Variants in MDM4 observed in about 807,000 individuals in gnomAD.
MDM4 encodes protein Mdm4.
In MDM4, 2 loss-of-function variants were observed where a neutral mutation model predicts 60.2. That is an observed-to-expected ratio of 0.03 (90% CI 0.01 to 0.10). MDM4 has a LOEUF of 0.10. Among genes scored for constraint, MDM4 ranks in the 10% least tolerant of loss-of-function variants. The pLI, the probability that MDM4 is intolerant of heterozygous loss-of-function variation, is 1.00. For missense variants in MDM4, 447 were observed against 577.5 expected (o/e 0.77, Z 2.32); for synonymous variants, 202 against 198.1 (o/e 1.02, Z -0.17).
At chr1:204,530,633 G>A in intron 3 of MDM4, 51 bp from the exon 4 acceptor site, 1 of 1,600,416 alleles carries the variant, frequency 6.2e-7, no homozygotes, top group Non-Finnish European at 8.5e-7. Context: ...ATGAATTTGT[G>A]TTTTTGGTAG....
chr1:204,553,503 G>C lies in MDM4; in HGVS notation c.*3821G>C. ...ACCTAGTTATAGGTAAGCCTTGTTC[G>C]AGTTGATATCTTGATTGTGAGGAAG... On this transcript the variant is annotated 3_prime_UTR_variant, in exon 11 of 11. Coordinates refer to ENST00000367182, the MANE Select transcript of MDM4 (RefSeq NM_002393.5). 2 of 226,254 alleles carry C rather than the reference G, an allele frequency of 8.8e-6. No individual in the cohort carries two copies. Among genetic ancestry groups the C allele is most frequent in the African/African-American group, 2.2e-5 (1 of 45,066 alleles). The allele number at this position is 226,254 out of a possible 1,614,324, so 14.0% of individuals were successfully genotyped here.
Position 204,536,119 on chromosome 1 carries a change from G to A in MDM4, c.344-1311G>A, listed in dbSNP as rs533439911. ...TACTAAAAATACAAAAATTAGTCAGGCGTGCGCCTATAATCCTAGCTACTT... is the reference window on the plus strand; with the variant it reads ...TACTAAAAATACAAAAATTAGTCAGACGTGCGCCTATAATCCTAGCTACTT... On this transcript the variant is annotated intron_variant, in intron 5 of 10. Transcript: ENST00000367182. 4.6e-5 allele frequency among the ~76,000 whole-genome samples: 7 copies of A among 152,242 alleles called. No homozygotes were observed. The East Asian group carries it at 1.4e-3, about 30-fold the overall frequency.
intron 2 of MDM4, 69 bp from the exon 3 acceptor site, chr1:204,526,291 T>C: frequency 2.2e-6 from 3 of 1,358,290 alleles, no homozygotes. Context: ...TTAAAGAGGT[T>C]CTCTTGTTCC....
rs375555162 is a variant in MDM4, at chr1:204,532,801, G to A, written c.343+555G>A. 4.2e-5 allele frequency: 68 copies of A among 1,611,128 alleles called. No homozygotes were observed. In the African/African-American group the frequency reaches 5.6e-4, roughly 13 times the overall value. On this transcript the variant is annotated intron_variant, in intron 5 of 10. Coordinates refer to ENST00000367182, the MANE Select transcript of MDM4 (RefSeq NM_002393.5). ...TCATTTGTTCTGTAGAATTTCCCACGCTCTAGAGTTGGCAGATTGTATCCT... is the reference window on the plus strand; with the variant it reads ...TCATTTGTTCTGTAGAATTTCCCACACTCTAGAGTTGGCAGATTGTATCCT...
rs753593194 is a variant in MDM4, at chr1:204,549,706, A to G, written c.*24A>G. On this transcript the variant is annotated 3_prime_UTR_variant, in exon 11 of 11. Coordinates refer to ENST00000367182, the MANE Select transcript of MDM4 (RefSeq NM_002393.5). ...AATGGTAGTACGAACATAAAAATGC[A>G]TTTATTCCGTTCACTTACCACATTA... is the stretch of plus-strand genomic sequence containing the variant. 16 of 1,297,026 alleles carry G rather than the reference A, an allele frequency of 1.2e-5. 2 individuals carry two copies. In the South Asian group the frequency reaches 2.2e-4, roughly 18 times the overall value. The allele number at this position is 1,297,026 out of a possible 1,614,324, so 80.3% of individuals were successfully genotyped here. A position where few individuals can be genotyped will look rare whatever the true frequency, so the allele number is the denominator to read the frequency against.
At chr1:204,523,473 ATT>A (rs60954516) in intron 1 of MDM4, among the ~76,000 whole-genome samples, 2,950 of 58,766 alleles carry the variant, frequency 0.05, 83 homozygotes, top group African/African-American at 0.2. Context: ...CCTAAAAAAA[ATT>A]TTTTTTTTTT....
At chr1:204,521,066 A>G (rs1404913816) in intron 1 of MDM4, among the ~76,000 whole-genome samples, 1 of 152,190 alleles carries the variant, frequency 6.6e-6, no homozygotes, top group African/African-American at 2.4e-5. Flanking sequence ...CAACTTACTC[A>G]TTGGGTGATC....
chr1:204,538,447 T>C, intron 7 of MDM4, 139 bp downstream of exon 7: 1 of 608,096 alleles, frequency 1.6e-6, no homozygotes. Flanking sequence ...TTTATCAGCC[T>C]AGTTACTACC....
intron 7 of MDM4, among the ~76,000 whole-genome samples, chr1:204,541,727 C>T (rs1239326514): frequency 1.3e-5 from 2 of 152,098 alleles, no homozygotes; most frequent in Non-Finnish European, 2.9e-5. Flanking sequence ...CTGATAGTTT[C>T]AATAATGAAT....
At chr1:204,534,848 A>G (rs1661235389) in intron 5 of MDM4, among the ~76,000 whole-genome samples, 1 of 152,114 alleles carries the variant, frequency 6.6e-6, no homozygotes, top group Non-Finnish European at 1.5e-5. Context: ...TAAAGTTGCA[A>G]AAGTATTGCA....
chr1:204,544,117 T>A (rs1662405129), intron 8 of MDM4, among the ~76,000 whole-genome samples: 1 of 152,230 alleles, frequency 6.6e-6, no homozygotes, highest in East Asian at 1.9e-4. Context: ...TTTCTCATAT[T>A]TCTTTAATAA....
intron 1 of MDM4, among the ~76,000 whole-genome samples, chr1:204,517,709 AC>A (rs911581768): frequency 2.6e-5 from 4 of 151,392 alleles, no homozygotes; most frequent in Non-Finnish European, 4.4e-5. Context: ...GCCGAAAACC[AC>A]AGTTTAAAAG....
intron 3 of MDM4, 128 bp from the exon 4 acceptor site, chr1:204,530,556 A>C: frequency 8.0e-7 from 1 of 1,255,902 alleles, no homozygotes; most frequent in Admixed American, 2.0e-5. Context: ...CCCCTTACAC[A>C]AACTTTGACA....
At position 204,521,940 on chromosome 1, in the gene MDM4, C is replaced by G. The variant is rs144220727; in HGVS notation, c.-35-3544C>G. Among the ~76,000 whole-genome samples, 12 of 152,140 alleles carry G rather than the reference C, an allele frequency of 7.9e-5. No homozygotes were observed. In the East Asian group the frequency reaches 2.1e-3, roughly 27 times the overall value. On this transcript the variant is annotated intron_variant, in intron 1 of 10. Transcript: ENST00000367182. The stretch of plus-strand genomic sequence containing the variant: ...CAGGGAAGGAGATAGGGAATACAAG[C>G]GGTTGGGAGTTTTAGTTTTAAAAAT...
chr1:204,520,429 C>A (rs4951393), intron 1 of MDM4, among the ~76,000 whole-genome samples: 84,808 of 149,934 alleles, frequency 0.57, 26,406 homozygotes, highest in East Asian at 0.68. Flanking sequence ...TTTAGGAATC[C>A]ATTTTGATGC....
intron 1 of MDM4, 110 bp from the exon 2 acceptor site, chr1:204,525,374 A>G: frequency 2.1e-6 from 3 of 1,431,714 alleles, no homozygotes; most frequent in Non-Finnish European, 2.7e-6. Flanking sequence ...ACGGTGCTCC[A>G]TTATATGTGT....
In MDM4 at chr1:204,549,950, T is replaced by A. The variant is rs79945874; in HGVS notation, c.*268T>A. ...AGAAAAACTCTTGAAAACAAGAGATTTCTTCCATGCACATTTACAATATTG... is the reference window on the plus strand; with the variant it reads ...AGAAAAACTCTTGAAAACAAGAGATATCTTCCATGCACATTTACAATATTG... On this transcript the variant is annotated 3_prime_UTR_variant, in exon 11 of 11. Transcript: ENST00000367182. 1 of 329,102 alleles carries A rather than the reference T, an allele frequency of 3.0e-6. No individual in the cohort carries two copies. The highest frequency in any genetic ancestry group is 5.5e-6 in the Non-Finnish European group (1 of 181,112). The allele number at this position is 329,102 out of a possible 1,614,324, so 20.4% of individuals were successfully genotyped here.
At chr1:204,529,577 C>T in intron 3 of MDM4, 1 of 1,423,088 alleles carries the variant, frequency 7.0e-7, no homozygotes, top group Non-Finnish European at 9.5e-7. Context: ...CAGGGGGTAG[C>T]ACGCTGCCAT....
chr1:204,537,564 T>TG, intron 6 of MDM4, 67 bp downstream of exon 6: 7 of 1,146,026 alleles, frequency 6.1e-6, no homozygotes, highest in Non-Finnish European at 9.2e-6. Context: ...CTATGGATCT[T>TG]GGACTCCCAA....
Sources: allele counts gnomAD v4.1 joint callset (sites outside exome capture counted in the v4.1 genomes callset), GRCh38; gene constraint gnomAD v4.1.1; transcripts MANE v1.5; gene names NCBI Gene and HGNC (gene_info 2026-07-23, HGNC 2026-07-21).